Variants in ARK2N observed in about 807,000 individuals in gnomAD.
The protein encoded by ARK2N is protein ARK2N.
At chr18:46,175,127 C>A in the ARK2N span, among the ~76,000 whole-genome samples, 1 of 139,778 alleles carries the variant, frequency 7.2e-6, no homozygotes, top group Non-Finnish European at 1.6e-5. Context: ...CCCGCCCCGA[C>A]CCCCGTCCCC....
the ARK2N span, among the ~76,000 whole-genome samples, chr18:46,178,885 C>T: frequency 4.2e-3 from 590 of 141,302 alleles, 3 homozygotes; most frequent in Non-Finnish European, 5.4e-3. Flanking sequence ...CTGCCTGAGA[C>T]TCTTTCTCAA....
chr18:46,175,941 T>A, the ARK2N span, among the ~76,000 whole-genome samples: 2 of 152,210 alleles, frequency 1.3e-5, no homozygotes, highest in Non-Finnish European at 2.9e-5. Context: ...TCACTTTATA[T>A]TTAACATGCA....
chr18:46,211,776 ATGT>A, the ARK2N span, among the ~76,000 whole-genome samples: 8 of 152,154 alleles, frequency 5.3e-5, no homozygotes, highest in African/African-American at 1.9e-4. Flanking sequence ...AATAGGAAAA[ATGT>A]TGTGTATTTA....
At chr18:46,227,650 T>G in the ARK2N span, among the ~76,000 whole-genome samples, 1 of 152,124 alleles carries the variant, frequency 6.6e-6, no homozygotes, top group African/African-American at 2.4e-5. Flanking sequence ...CAGGCTGGAA[T>G]GCAATGGCAC....
chr18:46,225,390 A>T, the ARK2N span, among the ~76,000 whole-genome samples: 1 of 152,256 alleles, frequency 6.6e-6, no homozygotes, highest in South Asian at 2.1e-4. Flanking sequence ...AATTAATTGT[A>T]TTGACAATCT....
At chr18:46,204,913 TTTTC>T in the ARK2N span, among the ~76,000 whole-genome samples, 6 of 145,546 alleles carry the variant, frequency 4.1e-5, no homozygotes, top group Non-Finnish European at 7.5e-5. Flanking sequence ...CCCTGCTTTC[TTTTC>T]TTTTCTTTTT....
chr18:46,185,459 A>G, the ARK2N span, among the ~76,000 whole-genome samples: 1 of 152,166 alleles, frequency 6.6e-6, no homozygotes, highest in South Asian at 2.1e-4. Flanking sequence ...ATTTTCTTGG[A>G]TGATTACTAG....
the ARK2N span, among the ~76,000 whole-genome samples, chr18:46,185,432 A>G: frequency 2.0e-5 from 3 of 152,306 alleles, no homozygotes; most frequent in East Asian, 3.9e-4. Context: ...AAATCAGGTA[A>G]TAATTGTTAG....
the ARK2N span, among the ~76,000 whole-genome samples, chr18:46,180,528 G>T: frequency 6.6e-6 from 1 of 152,068 alleles, no homozygotes; most frequent in Non-Finnish European, 1.5e-5. Context: ...CCAACTTGGA[G>T]AAACACTGTC....
At chr18:46,219,938 T>C in the ARK2N span, among the ~76,000 whole-genome samples, 33 of 152,234 alleles carry the variant, frequency 2.2e-4, no homozygotes, top group Admixed American at 2.0e-3. Flanking sequence ...ATGTAAATAA[T>C]GGACATTAGC....
chr18:46,238,343 A>G, the ARK2N span, among the ~76,000 whole-genome samples: 1 of 152,228 alleles, frequency 6.6e-6, no homozygotes, highest in Non-Finnish European at 1.5e-5. Flanking sequence ...TGGCCCTTAT[A>G]TCTTCTGTAT....
chr18:46,200,403 G>T, the ARK2N span, among the ~76,000 whole-genome samples: 3 of 152,226 alleles, frequency 2.0e-5, no homozygotes, highest in African/African-American at 7.2e-5. Context: ...TGCCTTCCGG[G>T]TTCAAGCGAT....
At chr18:46,184,267 G>A in the ARK2N span, among the ~76,000 whole-genome samples, 159 of 152,262 alleles carry the variant, frequency 1.0e-3, 2 homozygotes, top group Middle Eastern at 0.014. Context: ...TGGGATTACA[G>A]GTGTAAGCCA....
chr18:46,209,915 A>G, the ARK2N span, among the ~76,000 whole-genome samples: 6 of 152,136 alleles, frequency 3.9e-5, no homozygotes, highest in African/African-American at 1.4e-4. Flanking sequence ...TTTTCAGATT[A>G]TTGCATATAA....
chr18:46,214,739 T>C, the ARK2N span, among the ~76,000 whole-genome samples: 1 of 152,238 alleles, frequency 6.6e-6, no homozygotes, highest in South Asian at 2.1e-4. Context: ...TATTTTCTCT[T>C]AAATCCCTTT....
chr18:46,182,843 T>C, the ARK2N span, among the ~76,000 whole-genome samples: 1 of 152,106 alleles, frequency 6.6e-6, no homozygotes, highest in South Asian at 2.1e-4. Flanking sequence ...GACCTATTTA[T>C]AGAGTTTATA....
chr18:46,198,948 G>T, the ARK2N span, among the ~76,000 whole-genome samples: 166 of 152,210 alleles, frequency 1.1e-3, no homozygotes, highest in African/African-American at 3.8e-3. Flanking sequence ...ATAGAAAAGA[G>T]TTCCTCATTC....
chr18:46,221,757 T>C, the ARK2N span, among the ~76,000 whole-genome samples: 2 of 152,140 alleles, frequency 1.3e-5, no homozygotes, highest in Middle Eastern at 3.2e-3. Flanking sequence ...ATTTTAAATA[T>C]AAGGCAGTGA....
chr18:46,252,313 C>T, the ARK2N span, among the ~76,000 whole-genome samples: 3 of 151,620 alleles, frequency 2.0e-5, no homozygotes, highest in African/African-American at 7.3e-5. Flanking sequence ...CTCCCTCTGT[C>T]GCCTGGCTCC....
Sources: gnomAD v4.1 joint callset for allele counts (sites outside exome capture counted in the v4.1 genomes callset) on GRCh38, gnomAD v4.1.1 for gene constraint, MANE v1.5 for transcripts, NCBI Gene and HGNC (gene_info 2026-07-23, HGNC 2026-07-21) for gene names.